GATC: variants seen among roughly 807,000 people sequenced by gnomAD.
The protein encoded by GATC is glutamyl-tRNA amidotransferase subunit C, also known as glutamyl-tRNA(Gln) amidotransferase subunit C, mitochondrial.
Under a neutral mutation model 14.4 loss-of-function variants are expected in GATC, and 11 were observed. The ratio of observed to expected loss-of-function variants is 0.77; its 90% CI spans 0.48 to 1.27. GATC has a LOEUF of 1.27. GATC is among the 50% of genes most tolerant of loss of function. The pLI is 0.00. For synonymous variants in GATC, 76 were observed against 79.3 expected (o/e 0.96, Z 0.22); for missense variants, 204 against 183.0 (o/e 1.11, Z -0.66).
chr12:120,459,096 G>A (rs1164768946), intron 3 of GATC, among the ~76,000 whole-genome samples: 3 of 151,964 alleles, frequency 2.0e-5, no homozygotes, highest in South Asian at 2.1e-4. Flanking sequence ...TCCTGACCTC[G>A]TGATCGTCCG....
Position 120,463,126 on chromosome 12 carries a change from C to G in GATC, c.*3167C>G, listed in dbSNP as rs1321833956. On this transcript the variant is annotated 3_prime_UTR_variant, in exon 4 of 4. Transcript: ENST00000551765. ...CAGGATAACCAGAAAAAAACAATGT[C>G]CAACTGGTCTGGTTTCTGGTCTCAA... 1.5e-5 allele frequency: 1 copy of G among 66,908 alleles called. No individual in the cohort carries two copies. The highest frequency in any genetic ancestry group is 2.6e-5 in the Non-Finnish European group (1 of 37,844). The allele number at this position is 66,908 out of a possible 1,614,324, so 4.1% of individuals were successfully genotyped here.
chr12:120,451,872 A>ATTTTTTTTTTTTTTTTT (rs1555219520), intron 2 of GATC, among the ~76,000 whole-genome samples: 3 of 88,086 alleles, frequency 3.4e-5, no homozygotes, highest in African/African-American at 1.4e-4. Flanking sequence ...AATTATATAA[A>ATTTTTTTTTTTTTTTTT]TTCTTTTTTT....
At chr12:120,448,205 C>T (rs1877930896) in intron 2 of GATC, among the ~76,000 whole-genome samples, 1 of 151,692 alleles carries the variant, frequency 6.6e-6, no homozygotes, top group Non-Finnish European at 1.5e-5. Context: ...TATAGGTGTG[C>T]ACCACCACAC....
chr12:120,457,602 C>CTTT (rs3999474), intron 3 of GATC, among the ~76,000 whole-genome samples: 16 of 103,572 alleles, frequency 1.5e-4, no homozygotes, highest in East Asian at 8.5e-4. Flanking sequence ...TAAAAGAATC[C>CTTT]TTTTTTTTTT....
Position 120,460,383 on chromosome 12 carries a change from C to A in GATC, c.*424C>A. ...TTGCCATTTGCATTGATTTGAGCAG[C>A]CCTATCTTTACCGAACATACCTGAA... On this transcript the variant is annotated 3_prime_UTR_variant, in exon 4 of 4. Transcript: ENST00000551765. The A allele has an allele frequency of 6.4e-6, 1 of 156,474 alleles. No homozygotes were observed. The highest frequency in any genetic ancestry group is 1.4e-5 in the Non-Finnish European group (1 of 70,892). The allele number at this position is 156,474 out of a possible 1,614,324, so 9.7% of individuals were successfully genotyped here. A position where few individuals can be genotyped will look rare whatever the true frequency, so the allele number is the denominator to read the frequency against.
chr12:120,446,516 C>A lies in GATC; in HGVS notation c.36C>A (p.Ala12=). ...WSRLVWLGLR[A]PLGGRQGFTS... ...GGTTGGTGTGGCTGGGCCTTCGGGC[C>A]CCTCTGGGCGGGCGCCAGGGCTTCA... The change falls in exon 1 of 4, where the codon GCC becomes GCA. Residue 12 remains alanine (A), a synonymous_variant. Coordinates refer to ENST00000551765, the MANE Select transcript of GATC (RefSeq NM_176818.3). 6.2e-7 allele frequency: 1 copy of A among 1,605,316 alleles called. No individual in the cohort carries two copies. Among genetic ancestry groups the A allele is most frequent in the South Asian group, 1.1e-5 (1 of 90,674 alleles).
chr12:120,455,786 C>T (rs1007420701), intron 2 of GATC, among the ~76,000 whole-genome samples: 1 of 151,934 alleles, frequency 6.6e-6, no homozygotes, highest in African/African-American at 2.4e-5. Context: ...CCCGGGTTCA[C>T]GCCATTCTCC....
At chr12:120,453,455 TTA>T (rs1878102072) in intron 2 of GATC, among the ~76,000 whole-genome samples, 1 of 152,168 alleles carries the variant, frequency 6.6e-6, no homozygotes, top group South Asian at 2.1e-4. Flanking sequence ...ATAAGTTAAC[TTA>T]TCATCAGAAT....
At position 120,459,901 on chromosome 12, in the gene GATC, A is replaced by G; in HGVS notation, c.359-6A>G. 6.2e-7 allele frequency: 1 copy of G among 1,609,218 alleles called. No individual in the cohort carries two copies. Among genetic ancestry groups the G allele is most frequent in the Non-Finnish European group, 8.5e-7 (1 of 1,175,976 alleles). On this transcript the variant is annotated splice_region_variant and splice_polypyrimidine_tract_variant and intron_variant, in intron 3 of 3. Coordinates refer to ENST00000551765, the MANE Select transcript of GATC (RefSeq NM_176818.3). ...ACAAAAATTCTCTTTTGTTATTTTC[A>G]AACAGGTAATATCTCTTTGCCAAAG...
intron 2 of GATC, among the ~76,000 whole-genome samples, chr12:120,455,367 C>T (rs1878155507): frequency 6.6e-6 from 1 of 151,838 alleles, no homozygotes; most frequent in Non-Finnish European, 1.5e-5. Context: ...TGTGGTTTCC[C>T]CACGTTGCCC....
rs1227762656 is a variant in GATC, at chr12:120,461,613, A to G, written c.*1654A>G. 6.5e-6 allele frequency: 1 copy of G among 154,064 alleles called. No homozygotes were observed. 9.5% of individuals were successfully genotyped at this position (154,064 alleles called of 1,614,324 possible). A position where few individuals can be genotyped will look rare whatever the true frequency, so the allele number is the denominator to read the frequency against. ...TGACTACAACTCAGTGATTTTTTAA[A>G]TTAGTGTGCCTATTTGGTGAAATCT... On this transcript the variant is annotated 3_prime_UTR_variant, in exon 4 of 4. Transcript: ENST00000551765.
chr12:120,452,364 C>T (rs1026201386), intron 2 of GATC, among the ~76,000 whole-genome samples: 4 of 152,264 alleles, frequency 2.6e-5, no homozygotes, highest in Admixed American at 6.5e-5. Context: ...CAGCTAAAGT[C>T]GATTCCTAGG....
intron 1 of GATC, 42 bp from the exon 2 acceptor site, chr12:120,446,615 G>A (rs374613537): frequency 4.2e-5 from 67 of 1,592,490 alleles, no homozygotes; most frequent in African/African-American, 4.2e-4. Flanking sequence ...AGGCACTTCG[G>A]AGCGCCGGTG....
At chr12:120,457,676 G>A (rs919550230) in intron 3 of GATC, among the ~76,000 whole-genome samples, 2 of 145,580 alleles carry the variant, frequency 1.4e-5, no homozygotes, top group African/African-American at 2.6e-5. Flanking sequence ...GTGCAATCTC[G>A]GCTCACCGCA....
chr12:120,456,964 C>T (rs757112934), intron 2 of GATC, 112 bp from the exon 3 acceptor site: 1 of 703,088 alleles, frequency 1.4e-6, no homozygotes, highest in Non-Finnish European at 2.6e-6. Context: ...TGAACAGTGC[C>T]CATTAACTCA....
chr12:120,463,276 G>A lies in GATC; in HGVS notation c.*3317G>A, dbSNP rs1286610195. On this transcript the variant is annotated 3_prime_UTR_variant, in exon 4 of 4. Transcript: ENST00000551765. Reference sequence around the variant, plus strand: ...GTGACATAATCAACCACAAGAAAATGTTACGGTTTAGCCTGGCACAGTGGT... The same window carrying A: ...GTGACATAATCAACCACAAGAAAATATTACGGTTTAGCCTGGCACAGTGGT... 1 of 152,136 alleles carries A rather than the reference G, an allele frequency of 6.6e-6. No individual in the cohort carries two copies. Among genetic ancestry groups the A allele is most frequent in the Non-Finnish European group, 1.5e-5 (1 of 68,040 alleles). The allele number at this position is 152,136 out of a possible 1,614,324, so 9.4% of individuals were successfully genotyped here.
intron 2 of GATC, among the ~76,000 whole-genome samples, chr12:120,455,193 T>C (rs982013972): frequency 4.7e-5 from 7 of 150,474 alleles, no homozygotes; most frequent in South Asian, 2.1e-4. Context: ...TTTTTTTTTT[T>C]CTTCTTGCTC....
At chr12:120,451,875 C>CTTTTTGTTTTTTTT (rs1878056044) in intron 2 of GATC, among the ~76,000 whole-genome samples, 1 of 90,794 alleles carries the variant, frequency 1.1e-5, no homozygotes, top group Non-Finnish European at 2.3e-5. Flanking sequence ...TATATAAATT[C>CTTTTTGTTTTTTTT]TTTTTTTTTT....
intron 3 of GATC, among the ~76,000 whole-genome samples, chr12:120,458,534 G>A (rs1878245181): frequency 6.6e-6 from 1 of 152,172 alleles, no homozygotes; most frequent in African/African-American, 2.4e-5. Context: ...TCTACCTACT[G>A]TAAATATTTT....
Sources: gnomAD v4.1 joint callset for allele counts (sites outside exome capture counted in the v4.1 genomes callset) on GRCh38, gnomAD v4.1.1 for gene constraint, MANE v1.5 for transcripts, NCBI Gene and HGNC (gene_info 2026-07-23, HGNC 2026-07-21) for gene names.